The following GALNT16 variants were observed in gnomAD, a reference collection of about 807,000 sequenced individuals.
The protein encoded by GALNT16 is polypeptide N-acetylgalactosaminyltransferase 16, also known as UDP-GalNAc:polypeptide N-acetylgalactosaminyltransferase-like protein 1.
Under a neutral mutation model 76.1 loss-of-function variants are expected in GALNT16, and 40 were observed. The observed-to-expected ratio is 0.53, with a 90% CI of 0.41 to 0.68. The LOEUF is 0.68. Ranked by LOEUF, GALNT16 falls within the 30% of genes least tolerant of loss-of-function variation. GALNT16 has a pLI of 0.00. For synonymous variants in GALNT16, 276 were observed against 285.2 expected, an observed-to-expected ratio of 0.97 and a Z score of 0.32; for missense variants, 621 against 731.9, an observed-to-expected ratio of 0.85 and a Z score of 1.75.
intron 12 of GALNT16, among the ~76,000 whole-genome samples, chr14:69,344,962 AG>A (rs1482798656): frequency 9.8e-5 from 15 of 152,340 alleles, no homozygotes; most frequent in African/African-American, 3.6e-4. Flanking sequence ...GTGGTCAGGC[AG>A]GTGATGTCAA....
At chr14:69,340,873 G>A (rs2045477139) in intron 11 of GALNT16, among the ~76,000 whole-genome samples, 1 of 133,840 alleles carries the variant, frequency 7.5e-6, no homozygotes, top group South Asian at 2.2e-4. Flanking sequence ...ACTGTACATG[G>A]GGCGTATTAT....
chr14:69,281,428 G>A (rs138489413), intron 1 of GALNT16, among the ~76,000 whole-genome samples: 1 of 152,288 alleles, frequency 6.6e-6, no homozygotes, highest in East Asian at 1.9e-4. Context: ...ACCTTGTTAG[G>A]TGTGCAGGGT....
chr14:69,278,272 G>A (rs1277007719), intron 1 of GALNT16, among the ~76,000 whole-genome samples: 1 of 152,130 alleles, frequency 6.6e-6, no homozygotes, highest in East Asian at 1.9e-4. Context: ...GCCTCCCAAA[G>A]TCCTAGGATT....
Position 69,347,971 on chromosome 14 carries a change from T to C in GALNT16, c.1508T>C (p.Leu503Pro). ...LMSSPGSPVI[L>P]QMCNPREGKQ... Reference sequence around the variant, plus strand: ...TCCTCCCCTGGATCCCCAGTCATACTGCAGATGTGCAACCCTAGAGAAGGC... The same window carrying C: ...TCCTCCCCTGGATCCCCAGTCATACCGCAGATGTGCAACCCTAGAGAAGGC... Residue 503 changes from leucine to proline, a missense_variant, in exon 14 of 15, where the codon CTG becomes CCG. Physicochemically the swap from Leu to Pro is moderately conservative, Grantham distance 98. Transcript: ENST00000448469. 4.3e-6 allele frequency: 7 copies of C among 1,614,144 alleles called. No individual in the cohort carries two copies. The highest frequency in any genetic ancestry group is 5.9e-6 in the Non-Finnish European group (7 of 1,180,004).
At chr14:69,371,147 G>C in the GALNT16 span, among the ~76,000 whole-genome samples, 1 of 152,204 alleles carries the variant, frequency 6.6e-6, no homozygotes, top group Non-Finnish European at 1.5e-5. Context: ...TGAGCAGCTG[G>C]TGACTGGACT....
At chr14:69,296,317 T>TC (rs1283751349) in intron 1 of GALNT16, among the ~76,000 whole-genome samples, 2 of 152,132 alleles carry the variant, frequency 1.3e-5, no homozygotes, top group East Asian at 1.9e-4. Context: ...AGGCCCCATC[T>TC]CCAACACTGG....
At chr14:69,260,032 C>T, upstream of GALNT16, 1 of 401,716 alleles carries the variant, frequency 2.5e-6, no homozygotes. Flanking sequence ...GAGCGCGGGG[C>T]CGGCCCTGCG....
At chr14:69,322,978 GTGTGCGCGCGCACGCGCGCACGCA>G (rs751696930) in intron 2 of GALNT16, among the ~76,000 whole-genome samples, 3,456 of 41,858 alleles carry the variant, frequency 0.083, 138 homozygotes, top group African/African-American at 0.17. Context: ...GTGTGTGTGT[GTGTGCGCGCGCACGCGCGCACGCA>G]TGCACACGTG....
rs746208034 is a variant in GALNT16 at position 69,262,279 on chromosome 14, G to A, written c.177+1812G>A. On this transcript the variant is annotated intron_variant, in intron 1 of 14. Transcript: ENST00000448469. ...GCTCAGAGCCTCTGCTTTGGAACCC[G>A]GAACCTGAACCCTGACCTGGCCCAT... Among the ~76,000 whole-genome samples the A allele has an allele frequency of 4.6e-5, 7 of 152,182 alleles. No individual in the cohort carries two copies. In the South Asian group the frequency reaches 1.0e-3, roughly 23 times the overall value.
chr14:69,324,880 G>C, intron 3 of GALNT16, 90 bp downstream of exon 3: 1 of 783,490 alleles, frequency 1.3e-6, no homozygotes, highest in South Asian at 1.9e-5. Context: ...TTGAAGCCCA[G>C]CAGGTGCTGG....
Position 69,278,328 on chromosome 14 carries a change from T to G in GALNT16, c.177+17861T>G, listed in dbSNP as rs143246261. ...TGGTCATATTCTGTCCCTTTAGACA[T>G]AATATGTGTTTAATTTACAAGGCAG... On this transcript the variant is annotated intron_variant, in intron 1 of 14. Coordinates refer to ENST00000448469, the MANE Select transcript of GALNT16 (RefSeq NM_001168368.2). Among the ~76,000 whole-genome samples, 23 of 152,242 alleles carry G rather than the reference T, an allele frequency of 1.5e-4. 1 individual carries two copies. The East Asian group carries it at 4.4e-3, about 29-fold the overall frequency.
In GALNT16 at chr14:69,347,062, C is replaced by T; in HGVS notation, c.1294C>T (p.Pro432Ser). ...ELTVPVKEALPGIIKQGVNCL... is the reference protein window; with the variant it reads ...ELTVPVKEALSGIIKQGVNCL... Reference sequence around the variant, plus strand: ...CAGGGTCCCCGTGAAGGAAGCACTCCCCGGCATCATTAAGCAGGGGGTGAA... The same window carrying T: ...CAGGGTCCCCGTGAAGGAAGCACTCTCCGGCATCATTAAGCAGGGGGTGAA... Residue 432 changes from proline to serine, a missense_variant, in exon 13 of 15, where the codon CCC becomes TCC. Pro to Ser is a moderately conservative substitution (Grantham distance 74). Coordinates refer to ENST00000448469, the MANE Select transcript of GALNT16 (RefSeq NM_001168368.2). 3 of 1,614,104 alleles carry T rather than the reference C, an allele frequency of 1.9e-6. No homozygotes were observed. Among genetic ancestry groups the T allele is most frequent in the Non-Finnish European group, 2.5e-6 (3 of 1,179,972 alleles).
Position 69,316,776 on chromosome 14 carries a change from A to AGG in GALNT16, c.178-3926_178-3925dup, listed in dbSNP as rs1181538070. Among the ~76,000 whole-genome samples the AGG allele has an allele frequency of 7.7e-3, 525 of 67,862 alleles. 10 individuals are homozygous for AGG. Among genetic ancestry groups the AGG allele is most frequent in the African/African-American group, 0.018 (375 of 20,934 alleles). The allele number at this position is 67,862 out of a possible 152,430, so 44.5% of individuals were successfully genotyped here. A position where few individuals can be genotyped will look rare whatever the true frequency, so the allele number is the denominator to read the frequency against. On this transcript the variant is annotated intron_variant, in intron 1 of 14. Coordinates refer to ENST00000448469, the MANE Select transcript of GALNT16 (RefSeq NM_001168368.2). Reference sequence around the variant, plus strand: ...TGAGCTTGGGGGCTTGTAGTCTGTGAGGGGGGGGGGCACTGAAGGTCACGT... The same window carrying AGG: ...TGAGCTTGGGGGCTTGTAGTCTGTGAGGGGGGGGGGGGCACTGAAGGTCACGT...
chr14:69,337,292 G>A (rs946614973), intron 9 of GALNT16, among the ~76,000 whole-genome samples: 2 of 151,998 alleles, frequency 1.3e-5, no homozygotes, highest in Non-Finnish European at 2.9e-5. Flanking sequence ...CAACGTCCTC[G>A]TTAAAAAAAA....
chr14:69,278,727 T>C (rs2044503978), intron 1 of GALNT16, among the ~76,000 whole-genome samples: 1 of 152,226 alleles, frequency 6.6e-6, no homozygotes, highest in Admixed American at 6.5e-5. Context: ...AAATGTGTTG[T>C]CCGTGTTTCA....
the GALNT16 span, among the ~76,000 whole-genome samples, chr14:69,385,068 CCT>C: frequency 6.6e-6 from 1 of 152,110 alleles, no homozygotes; most frequent in Admixed American, 6.5e-5. Flanking sequence ...AACTGATCTA[CCT>C]CTGTTTCCAG....
In GALNT16 at chr14:69,325,393, T is replaced by C. The variant is rs755225749; in HGVS notation, c.491T>C (p.Phe164Ser). Reference sequence around the variant, plus strand: ...CAGGAGATCATTTTAGTGGATGACTTCAGCTCAGATCGTGAGTAGTCACCT... The same window carrying C: ...CAGGAGATCATTTTAGTGGATGACTCCAGCTCAGATCGTGAGTAGTCACCT... ...LIQEIILVDD[F>S]SSDPEDCLLL... The change falls in exon 4 of 15, where the codon TTC becomes TCC. Residue 164 changes from phenylalanine (F) to serine (S), a missense_variant. Physicochemically the swap from Phe to Ser is radical, Grantham distance 155. Transcript: ENST00000448469. The C allele has an allele frequency of 1.9e-6, 3 of 1,587,402 alleles. No individual in the cohort carries two copies. Among genetic ancestry groups the C allele is most frequent in the Non-Finnish European group, 2.6e-6 (3 of 1,155,780 alleles).
At chr14:69,346,739 C>A (rs1167558141) in intron 12 of GALNT16, among the ~76,000 whole-genome samples, 1 of 152,206 alleles carries the variant, frequency 6.6e-6, no homozygotes, top group South Asian at 2.1e-4. Context: ...TCTTTCTGGA[C>A]TGAGGGGCTC....
At chr14:69,260,812 G>A (rs934875640) in intron 1 of GALNT16, among the ~76,000 whole-genome samples, 10 of 151,948 alleles carry the variant, frequency 6.6e-5, no homozygotes, top group South Asian at 2.1e-4. Flanking sequence ...CGTGTGCCCC[G>A]GAAGGCTGCC....
Sources: allele counts gnomAD v4.1 joint callset (sites outside exome capture counted in the v4.1 genomes callset), GRCh38; gene constraint gnomAD v4.1.1; transcripts MANE v1.5; gene names NCBI Gene and HGNC (gene_info 2026-07-23, HGNC 2026-07-21).